The following DPP10 variants were observed in gnomAD, a reference collection of about 807,000 sequenced individuals.
The protein encoded by DPP10 is dipeptidyl peptidase like 10, also known as inactive dipeptidyl peptidase 10.
A neutral mutation model predicts 120.9 loss-of-function variants in DPP10; 33 were observed. The observed-to-expected ratio is 0.27, with a 90% CI of 0.21 to 0.37. The LOEUF is 0.37. Ranked by LOEUF, DPP10 falls within the 10% of genes least tolerant of loss-of-function variation. The pLI, the probability that DPP10 is intolerant of heterozygous loss-of-function variation, is 1.00. For missense variants in DPP10, 816 were observed against 942.8 expected, an observed-to-expected ratio of 0.87 and a Z score of 1.76; for synonymous variants, 337 against 326.1, an observed-to-expected ratio of 1.03 and a Z score of -0.36.
intron 1 of DPP10, among the ~76,000 whole-genome samples, chr2:114,925,789 T>G (rs1003445961): frequency 6.6e-6 from 1 of 152,062 alleles, no homozygotes; most frequent in Non-Finnish European, 1.5e-5. Flanking sequence ...AAATACTAAA[T>G]ATCTGTTTGG....
At chr2:115,752,223 G>T (rs977253955) in intron 10 of DPP10, among the ~76,000 whole-genome samples, 2 of 152,172 alleles carry the variant, frequency 1.3e-5, no homozygotes, top group Non-Finnish European at 2.9e-5. Flanking sequence ...AGACTGGATG[G>T]CTATTTCTAA....
chr2:114,561,983 C>T (rs1253115205), intron 1 of DPP10, among the ~76,000 whole-genome samples: 1 of 152,188 alleles, frequency 6.6e-6, no homozygotes, highest in Non-Finnish European at 1.5e-5. Flanking sequence ...TAAATAACTT[C>T]AACTAAGATA....
At chr2:115,125,311 T>C (rs1001246312) in intron 1 of DPP10, among the ~76,000 whole-genome samples, 3 of 152,176 alleles carry the variant, frequency 2.0e-5, no homozygotes, top group South Asian at 4.1e-4. Flanking sequence ...TTTTTAAAGA[T>C]TTCTCAAATG....
At chr2:115,083,897 A>G (rs1260720793) in intron 1 of DPP10, among the ~76,000 whole-genome samples, 1 of 152,216 alleles carries the variant, frequency 6.6e-6, no homozygotes, top group Non-Finnish European at 1.5e-5. Flanking sequence ...GCGGGACAGT[A>G]GTTAACATGG....
Position 115,842,954 on chromosome 2 carries a change from T to C in DPP10, c.*609T>C, listed in dbSNP as rs1293849087. On this transcript the variant is annotated 3_prime_UTR_variant, in exon 26 of 26. Coordinates refer to ENST00000410059, the MANE Select transcript of DPP10 (RefSeq NM_020868.6). The stretch of plus-strand genomic sequence containing the variant: ...CAAAGTTCAGCCAGTTATCAGTAGA[T>C]ACAATATCTTTAAATGAACACACGA... 6.5e-6 allele frequency: 1 copy of C among 152,704 alleles called. No individual in the cohort carries two copies. Among genetic ancestry groups the C allele is most frequent in the African/African-American group, 2.4e-5 (1 of 41,466 alleles). The allele number at this position is 152,704 out of a possible 1,614,324, so 9.5% of individuals were successfully genotyped here. A position where few individuals can be genotyped will look rare whatever the true frequency, so the allele number is the denominator to read the frequency against.
chr2:115,597,113 C>T (rs879674885), intron 5 of DPP10, among the ~76,000 whole-genome samples: 5 of 152,064 alleles, frequency 3.3e-5, no homozygotes, highest in African/African-American at 9.7e-5. Context: ...CACATTGAAT[C>T]CTGGGTCCCC....
At chr2:115,117,854 C>G (rs559298028) in intron 1 of DPP10, among the ~76,000 whole-genome samples, 1 of 152,236 alleles carries the variant, frequency 6.6e-6, no homozygotes, top group Admixed American at 6.5e-5. Context: ...CCTTCTGGTC[C>G]TCTTCTATGT....
intron 1 of DPP10, among the ~76,000 whole-genome samples, chr2:114,818,847 C>T (rs1519673): frequency 0.55 from 83,658 of 151,956 alleles, 23,242 homozygotes; most frequent in East Asian, 0.8. Context: ...CATGCCCCAT[C>T]ATTACGCCAA....
At chr2:115,223,992 A>G (rs552544490) in intron 1 of DPP10, among the ~76,000 whole-genome samples, 3 of 152,272 alleles carry the variant, frequency 2.0e-5, no homozygotes, top group African/African-American at 7.2e-5. Flanking sequence ...AAATTATTCA[A>G]TAAAAATTTA....
chr2:115,392,616 A>G (rs1559534677), intron 3 of DPP10, among the ~76,000 whole-genome samples: 1 of 152,176 alleles, frequency 6.6e-6, no homozygotes, highest in Admixed American at 6.5e-5. Context: ...TATCTTCACA[A>G]TAATATTGGA....
At chr2:115,444,866 A>G (rs1054876853) in intron 3 of DPP10, among the ~76,000 whole-genome samples, 7 of 152,196 alleles carry the variant, frequency 4.6e-5, no homozygotes, top group Non-Finnish European at 8.8e-5. Context: ...TTCAATTATC[A>G]TTAATATTTG....
intron 1 of DPP10, among the ~76,000 whole-genome samples, chr2:114,671,580 C>T (rs560212601): frequency 1.2e-4 from 19 of 152,230 alleles, no homozygotes; most frequent in African/African-American, 4.6e-4. Flanking sequence ...AACTGACTAA[C>T]ATAATAGGAT....
intron 3 of DPP10, among the ~76,000 whole-genome samples, chr2:115,449,112 G>A (rs2072881949): frequency 6.6e-6 from 1 of 152,016 alleles, no homozygotes; most frequent in Non-Finnish European, 1.5e-5. Flanking sequence ...ATGTATTTGA[G>A]ATAAAATTAA....
At chr2:115,477,641 C>G (rs910533000) in intron 3 of DPP10, among the ~76,000 whole-genome samples, 11 of 152,054 alleles carry the variant, frequency 7.2e-5, no homozygotes, top group African/African-American at 2.4e-4. Flanking sequence ...CATAAATAGA[C>G]AAACCCTTCC....
intron 1 of DPP10, among the ~76,000 whole-genome samples, chr2:114,704,085 A>G (rs1456866560): frequency 6.6e-6 from 1 of 152,090 alleles, no homozygotes; most frequent in African/African-American, 2.4e-5. Context: ...AGGCTGGATG[A>G]TGTTATGGTG....
intron 1 of DPP10, among the ~76,000 whole-genome samples, chr2:114,784,151 G>A (rs1682567009): frequency 6.6e-6 from 1 of 151,980 alleles, no homozygotes; most frequent in Non-Finnish European, 1.5e-5. Context: ...AGTCCCATTG[G>A]GATCAAGAAC....
At chr2:115,179,431 C>T (rs140964446) in intron 1 of DPP10, among the ~76,000 whole-genome samples, 7 of 152,122 alleles carry the variant, frequency 4.6e-5, no homozygotes, top group Admixed American at 3.3e-4. Flanking sequence ...GGTGTGCTTA[C>T]GTTTTCTTAT....
At chr2:114,903,435 T>A (rs544186920) in intron 1 of DPP10, among the ~76,000 whole-genome samples, 121 of 152,350 alleles carry the variant, frequency 7.9e-4, no homozygotes, top group African/African-American at 2.8e-3. Flanking sequence ...CTCTAAATCC[T>A]TGTCAGCATT....
chr2:115,459,553 A>G (rs1231684175), intron 3 of DPP10, among the ~76,000 whole-genome samples: 1 of 152,048 alleles, frequency 6.6e-6, no homozygotes, highest in Non-Finnish European at 1.5e-5. Context: ...TTTTTCATGC[A>G]GGCAATATTA....
Sources: gnomAD v4.1 joint callset for allele counts (sites outside exome capture counted in the v4.1 genomes callset) on GRCh38, gnomAD v4.1.1 for gene constraint, MANE v1.5 for transcripts, NCBI Gene and HGNC (gene_info 2026-07-23, HGNC 2026-07-21) for gene names.